LRRC7: variants seen among roughly 807,000 people sequenced by gnomAD.
The protein encoded by LRRC7 is leucine-rich repeat-containing protein 7.
A neutral mutation model predicts 175.7 loss-of-function variants in LRRC7; 23 were observed. That is an observed-to-expected ratio of 0.13 (90% CI 0.09 to 0.19). The LOEUF is 0.19. LRRC7 is among the 10% of genes least tolerant of loss of function. The pLI, the probability that LRRC7 is intolerant of heterozygous loss-of-function variation, is 1.00. For missense variants in LRRC7, 1,354 were observed against 1,904.7 expected, an observed-to-expected ratio of 0.71 and a Z score of 5.38; for synonymous variants, 685 against 680.9, an observed-to-expected ratio of 1.01 and a Z score of -0.09.
At chr1:69,574,451 T>C (rs1215203323) in intron 1 of LRRC7, among the ~76,000 whole-genome samples, 2 of 152,102 alleles carry the variant, frequency 1.3e-5, no homozygotes, top group Non-Finnish European at 2.9e-5. Flanking sequence ...ACTTTATAGA[T>C]GCTTGGCTGT....
intron 1 of LRRC7, among the ~76,000 whole-genome samples, chr1:69,609,129 G>A (rs1004071963): frequency 6.6e-6 from 1 of 151,590 alleles, no homozygotes; most frequent in African/African-American, 2.4e-5. Context: ...GTCTGTAAAA[G>A]CAAAGAGAAA....
At chr1:69,732,873 G>A (rs1667728664) in intron 2 of LRRC7, among the ~76,000 whole-genome samples, 1 of 152,018 alleles carries the variant, frequency 6.6e-6, no homozygotes, top group African/African-American at 2.4e-5. Flanking sequence ...CATATTTATG[G>A]TTAATAGGGA....
At chr1:69,972,717 T>A (rs1570863677) in intron 8 of LRRC7, among the ~76,000 whole-genome samples, 1 of 152,054 alleles carries the variant, frequency 6.6e-6, no homozygotes, top group African/African-American at 2.4e-5. Flanking sequence ...TGGTGATTCC[T>A]TAAAGAGCTA....
intron 1 of LRRC7, among the ~76,000 whole-genome samples, chr1:69,577,237 A>C (rs1281688288): frequency 6.6e-6 from 1 of 152,212 alleles, no homozygotes; most frequent in Non-Finnish European, 1.5e-5. Context: ...AAACTTACCC[A>C]TAATTTATAT....
intron 2 of LRRC7, among the ~76,000 whole-genome samples, chr1:69,727,255 T>A (rs1488998655): frequency 1.3e-5 from 2 of 152,150 alleles, no homozygotes; most frequent in Admixed American, 1.3e-4. Flanking sequence ...GAATGAATGA[T>A]TCCATCCTGC....
chr1:69,885,070 A>C (rs1264932818), intron 7 of LRRC7, among the ~76,000 whole-genome samples: 8 of 117,114 alleles, frequency 6.8e-5, no homozygotes, highest in African/African-American at 2.7e-4. Flanking sequence ...TATTGGTCTA[A>C]AATTCTCTTT....
intron 23 of LRRC7, among the ~76,000 whole-genome samples, chr1:70,065,050 C>T (rs752476547): frequency 1.3e-4 from 19 of 151,974 alleles, no homozygotes; most frequent in Non-Finnish European, 2.4e-4. Context: ...ATGCTGTCAC[C>T]GTTTTCCACA....
intron 4 of LRRC7, among the ~76,000 whole-genome samples, chr1:69,795,777 ACTGC>A (rs1675664455): frequency 6.6e-6 from 1 of 152,100 alleles, no homozygotes; most frequent in Non-Finnish European, 1.5e-5. Flanking sequence ...GTCCAATTCT[ACTGC>A]CTGTCATCCT....
intron 24 of LRRC7, among the ~76,000 whole-genome samples, chr1:70,087,068 T>C (rs1490240506): frequency 6.6e-6 from 1 of 152,186 alleles, no homozygotes; most frequent in Non-Finnish European, 1.5e-5. Flanking sequence ...AATTTATGTT[T>C]GTTTGTCACA....
chr1:69,635,385 G>A (rs1032609425), intron 1 of LRRC7, among the ~76,000 whole-genome samples: 3 of 151,960 alleles, frequency 2.0e-5, no homozygotes, highest in Admixed American at 6.6e-5. Context: ...TTTTAACAAT[G>A]TTTATTATGG....
chr1:69,645,481 C>T (rs1005320331), intron 1 of LRRC7, among the ~76,000 whole-genome samples: 10 of 151,912 alleles, frequency 6.6e-5, no homozygotes, highest in African/African-American at 2.4e-4. Context: ...ACTTGACCTC[C>T]TAAATTAATA....
chr1:69,828,753 C>T (rs1449866010), intron 5 of LRRC7, among the ~76,000 whole-genome samples: 1 of 151,940 alleles, frequency 6.6e-6, no homozygotes, highest in African/African-American at 2.4e-5. Flanking sequence ...TTTTAAGCTG[C>T]ATAAATGAAG....
At chr1:70,032,656 C>T (rs952623753) in intron 18 of LRRC7, among the ~76,000 whole-genome samples, 6 of 152,142 alleles carry the variant, frequency 3.9e-5, no homozygotes, top group African/African-American at 9.7e-5. Flanking sequence ...GAACATCTTT[C>T]TTCCAGTAAC....
chr1:70,083,094 A>C (rs1663348058), intron 24 of LRRC7, among the ~76,000 whole-genome samples: 1 of 152,058 alleles, frequency 6.6e-6, no homozygotes, highest in African/African-American at 2.4e-5. Flanking sequence ...TGACCAGTAC[A>C]TCTTTTGGAA....
At chr1:69,873,374 C>T in intron 7 of LRRC7, 1 of 530,446 alleles carries the variant, frequency 1.9e-6, no homozygotes, top group Non-Finnish European at 3.9e-6. Flanking sequence ...TTTCTACCTC[C>T]CTGTACTGTA....
At chr1:69,979,698 T>C (rs1249069722) in intron 8 of LRRC7, among the ~76,000 whole-genome samples, 1 of 152,032 alleles carries the variant, frequency 6.6e-6, no homozygotes, top group Admixed American at 6.6e-5. Context: ...ATTCAACAAA[T>C]AATTATTCAT....
At chr1:69,615,365 G>A (rs1649448683) in intron 1 of LRRC7, among the ~76,000 whole-genome samples, 1 of 151,936 alleles carries the variant, frequency 6.6e-6, no homozygotes, top group African/African-American at 2.4e-5. Flanking sequence ...TTCTTAGAAT[G>A]TTTTTGCTTT....
rs1418474391 is a variant in LRRC7, at chr1:69,687,371, G to T, written c.100+8893G>T. ...AAAAATACAAAAAAATTAGCTGGGT[G>T]TGGTGGCACACGCCTGTAGTCCCAG... On this transcript the variant is annotated intron_variant, in intron 2 of 26. Transcript: ENST00000651989. Among the ~76,000 whole-genome samples, 5 of 151,774 alleles carry T rather than the reference G, an allele frequency of 3.3e-5. No individual in the cohort carries two copies. The East Asian group carries it at 9.7e-4, about 29-fold the overall frequency.
At chr1:69,606,924 G>A (rs1647680974) in intron 1 of LRRC7, 1 of 151,972 alleles carries the variant, frequency 6.6e-6, no homozygotes, top group Non-Finnish European at 1.5e-5. Context: ...AGTGACTTTG[G>A]GTTCCTTATA....
Sources: allele counts gnomAD v4.1 joint callset (sites outside exome capture counted in the v4.1 genomes callset), GRCh38; gene constraint gnomAD v4.1.1; transcripts MANE v1.5; gene names NCBI Gene and HGNC (gene_info 2026-07-23, HGNC 2026-07-21).